The following MAF variants were observed in gnomAD, a reference collection of about 807,000 sequenced individuals.
The protein encoded by MAF is MAF bZIP transcription factor.
MAF carries 10 observed loss-of-function variants against 22.0 expected under a neutral mutation model. The ratio of observed to expected loss-of-function variants is 0.45; its 90% confidence interval spans 0.28 to 0.77. The LOEUF (loss-of-function observed/expected upper bound fraction) is 0.77. Ranked by LOEUF, MAF falls within the 30% of genes least tolerant of loss-of-function variation. MAF has a pLI of 0.12. For synonymous variants in MAF, 337 were observed against 255.8 expected (o/e 1.32, Z -3.03); for missense variants, 544 against 548.4 (o/e 0.99, Z 0.08).
the MAF span, among the ~76,000 whole-genome samples, chr16:79,411,159 T>C: frequency 5.3e-5 from 8 of 152,204 alleles, no homozygotes; most frequent in African/African-American, 1.9e-4. Flanking sequence ...TTTTCCATAA[T>C]GTCCTTGATT....
At chr16:79,447,905 A>AAAAAAAAAAAAAAAAAAG in the MAF span, among the ~76,000 whole-genome samples, 53 of 85,810 alleles carry the variant, frequency 6.2e-4, no homozygotes, top group African/African-American at 9.2e-4. Context: ...AAAAAAAAAA[A>AAAAAAAAAAAAAAAAAAG]AAAAGAAAAG....
the MAF span, among the ~76,000 whole-genome samples, chr16:79,273,960 T>C: frequency 6.8e-6 from 1 of 146,696 alleles, no homozygotes; most frequent in African/African-American, 2.5e-5. Flanking sequence ...TTTTTTTTTT[T>C]TTTTTTTTTT....
At chr16:79,405,057 G>A in the MAF span, among the ~76,000 whole-genome samples, 1 of 152,268 alleles carries the variant, frequency 6.6e-6, no homozygotes, top group African/African-American at 2.4e-5. Context: ...CTGCTCCAGT[G>A]TTCCTTCTTC....
the MAF span, among the ~76,000 whole-genome samples, chr16:79,498,780 G>C: frequency 6.6e-6 from 1 of 152,206 alleles, no homozygotes. Context: ...GTAAGCAAGT[G>C]CTTTCTTCTC....
chr16:79,244,874 GA>G, the MAF span, among the ~76,000 whole-genome samples: 1 of 151,960 alleles, frequency 6.6e-6, no homozygotes, highest in African/African-American at 2.4e-5. Flanking sequence ...CAGACATATA[GA>G]TTAATGGAAT....
At chr16:79,597,089 T>G (rs1380646556) in intron 1 of MAF, 1 of 1,059,112 alleles carries the variant, frequency 9.4e-7, no homozygotes, top group East Asian at 5.2e-5. Context: ...AACTTATATT[T>G]AAGTTGCAAG....
the MAF span, among the ~76,000 whole-genome samples, chr16:79,221,345 G>C: frequency 1.3e-5 from 2 of 152,170 alleles, no homozygotes; most frequent in Non-Finnish European, 2.9e-5. Flanking sequence ...AAAAAATTCA[G>C]TCATGTTACC....
At chr16:79,557,955 G>A in the MAF span, among the ~76,000 whole-genome samples, 3 of 151,164 alleles carry the variant, frequency 2.0e-5, no homozygotes, top group South Asian at 2.1e-4. Context: ...CCTGATGGGT[G>A]CTTCAGGGAA....
the MAF span, among the ~76,000 whole-genome samples, chr16:79,371,366 C>T: frequency 6.6e-6 from 1 of 152,126 alleles, no homozygotes; most frequent in Non-Finnish European, 1.5e-5. Context: ...ACAGAGCCTC[C>T]CAGATTCAAG....
chr16:79,351,136 A>T, the MAF span, among the ~76,000 whole-genome samples: 1 of 152,108 alleles, frequency 6.6e-6, no homozygotes, highest in Non-Finnish European at 1.5e-5. Context: ...CTCATTTTGG[A>T]AAGTGACTAC....
chr16:79,534,759 A>T, the MAF span, among the ~76,000 whole-genome samples: 1 of 152,198 alleles, frequency 6.6e-6, no homozygotes, highest in Admixed American at 6.5e-5. Flanking sequence ...AAGAAAGAAA[A>T]GAAAACTGTG....
At chr16:79,413,817 G>A in the MAF span, among the ~76,000 whole-genome samples, 3 of 152,144 alleles carry the variant, frequency 2.0e-5, no homozygotes, top group Admixed American at 2.0e-4. Context: ...GGGAAGGGTG[G>A]TTTTGTGGGG....
chr16:79,428,849 A>AAAT, the MAF span, among the ~76,000 whole-genome samples: 36,978 of 146,478 alleles, frequency 0.25, 4,987 homozygotes, highest in African/African-American at 0.35. Flanking sequence ...TGTCTCAGAA[A>AAAT]AATAATAATA....
chr16:79,417,974 G>A, the MAF span, among the ~76,000 whole-genome samples: 2 of 152,136 alleles, frequency 1.3e-5, no homozygotes, highest in Admixed American at 6.5e-5. Flanking sequence ...TGGCCTATGT[G>A]TGAGTGTTTT....
At chr16:79,597,845 G>C in intron 1 of MAF, 1 of 1,021,710 alleles carries the variant, frequency 9.8e-7, no homozygotes, top group Non-Finnish European at 1.2e-6. Context: ...TAAAGTCTTT[G>C]AAACAGTTAT....
At chr16:79,512,640 G>A in the MAF span, among the ~76,000 whole-genome samples, 3 of 152,152 alleles carry the variant, frequency 2.0e-5, no homozygotes, top group Non-Finnish European at 4.4e-5. Flanking sequence ...AGGGTGTGCC[G>A]TTTATGAAAA....
the MAF span, among the ~76,000 whole-genome samples, chr16:79,429,274 C>A: frequency 1.3e-5 from 2 of 152,202 alleles, no homozygotes; most frequent in Non-Finnish European, 2.9e-5. Context: ...AAATATCCTG[C>A]CCTGCCCATG....
chr16:79,261,104 G>A, the MAF span, among the ~76,000 whole-genome samples: 1 of 152,104 alleles, frequency 6.6e-6, no homozygotes, highest in South Asian at 2.1e-4. Context: ...AGCAGGTGAG[G>A]AAGCTGGCAG....
At chr16:79,525,378 A>G in the MAF span, among the ~76,000 whole-genome samples, 49,423 of 152,106 alleles carry the variant, frequency 0.32, 8,588 homozygotes, top group East Asian at 0.5. Flanking sequence ...GTCCACGGCC[A>G]TGCGCTCGGA....
Sources: gnomAD v4.1 joint callset for allele counts (sites outside exome capture counted in the v4.1 genomes callset) on GRCh38, gnomAD v4.1.1 for gene constraint, MANE v1.5 for transcripts, NCBI Gene and HGNC (gene_info 2026-07-23, HGNC 2026-07-21) for gene names.